The following CDC5L variants were observed in gnomAD, a reference collection of about 807,000 sequenced individuals.
CDC5L encodes the protein cell division cycle 5-like protein.
Under a neutral mutation model 104.1 loss-of-function variants are expected in CDC5L, and 18 were observed. That is an observed-to-expected ratio of 0.17 (90% CI 0.12 to 0.26). CDC5L has a LOEUF of 0.26. Ranked by LOEUF, CDC5L falls within the 10% of genes least tolerant of loss-of-function variation. CDC5L has a pLI of 1.00. For missense variants in CDC5L, 673 were observed against 956.9 expected, an observed-to-expected ratio of 0.70 and a Z score of 3.91; for synonymous variants, 331 against 322.7, an observed-to-expected ratio of 1.03 and a Z score of -0.28.
At chr6:44,388,674 T>TC (rs1491342225) in intron 1 of CDC5L, among the ~76,000 whole-genome samples, 2 of 145,704 alleles carry the variant, frequency 1.4e-5, no homozygotes, top group African/African-American at 5.3e-5. Context: ...TTTTATGGCT[T>TC]CTTTTTTTTT....
intron 12 of CDC5L, 31 bp from the exon 13 acceptor site, chr6:44,426,451 T>G (rs1792427837): frequency 9.2e-6 from 11 of 1,200,728 alleles, no homozygotes; most frequent in Non-Finnish European, 1.1e-5. Context: ...TAGTGATATG[T>G]TTGGTAATTG....
Position 44,404,733 on chromosome 6 carries a change from T to C in CDC5L, c.758+706T>C, listed in dbSNP as rs180762995. 3.7e-3 allele frequency among the ~76,000 whole-genome samples: 565 copies of C among 152,266 alleles called. 3 individuals carry two copies. Among genetic ancestry groups the C allele is most frequent in the African/African-American group, 0.012 (518 of 41,540 alleles). On this transcript the variant is annotated intron_variant, in intron 6 of 15. Transcript: ENST00000371477. ...TTTTTAAGACAAGGTCTCACTCTTA[T>C]CACCCAGGCTGGAGTGCAGTGGCAT...
chr6:44,430,446 A>G (rs1792627488), intron 14 of CDC5L, among the ~76,000 whole-genome samples: 1 of 148,376 alleles, frequency 6.7e-6, no homozygotes, highest in South Asian at 2.2e-4. Context: ...TTGAAAACAT[A>G]CTAGATGCAG....
chr6:44,391,692 C>T (rs189377764), intron 2 of CDC5L, among the ~76,000 whole-genome samples: 1 of 152,166 alleles, frequency 6.6e-6, no homozygotes, highest in East Asian at 1.9e-4. Context: ...TTCCTAGGCA[C>T]CTGGTTAGGG....
intron 2 of CDC5L, among the ~76,000 whole-genome samples, chr6:44,392,305 A>G (rs1041734367): frequency 6.6e-6 from 1 of 152,256 alleles, no homozygotes; most frequent in African/African-American, 2.4e-5. Flanking sequence ...ATGAGAAAAT[A>G]GTATGAAAAC....
chr6:44,414,153 C>G (rs1264050020), intron 8 of CDC5L, among the ~76,000 whole-genome samples: 1 of 151,952 alleles, frequency 6.6e-6, no homozygotes, highest in Non-Finnish European at 1.5e-5. Flanking sequence ...CATTATGGCT[C>G]ACTGCAGACT....
chr6:44,407,866 A>C (rs1377316660), intron 7 of CDC5L, among the ~76,000 whole-genome samples: 1 of 152,132 alleles, frequency 6.6e-6, no homozygotes, highest in Non-Finnish European at 1.5e-5. Flanking sequence ...ACACCTTAGG[A>C]TATTTATTTT....
intron 5 of CDC5L, among the ~76,000 whole-genome samples, chr6:44,400,134 C>T (rs746534783): frequency 6.6e-5 from 10 of 152,072 alleles, no homozygotes; most frequent in Non-Finnish European, 1.5e-4. Flanking sequence ...CCTTCCTTTA[C>T]TTCTTGGTTT....
intron 14 of CDC5L, among the ~76,000 whole-genome samples, chr6:44,439,277 T>A (rs1259517385): frequency 6.6e-6 from 1 of 152,210 alleles, no homozygotes; most frequent in Non-Finnish European, 1.5e-5. Context: ...TTGGGTTGCT[T>A]CTACTTTTAC....
rs564255557 is a variant in CDC5L, at chr6:44,405,139, T to C, written c.758+1112T>C. Among the ~76,000 whole-genome samples, 415 of 152,342 alleles carry C rather than the reference T, an allele frequency of 2.7e-3. 2 individuals carry two copies. Among genetic ancestry groups the C allele is most frequent in the African/African-American group, 9.0e-3 (376 of 41,572 alleles). The stretch of plus-strand genomic sequence containing the variant: ...TAGGGCATAGCAGATTTTCCCTATT[T>C]CTTGAGATTTTTAGTTTCTTTAAAT... On this transcript the variant is annotated intron_variant, in intron 6 of 15. Coordinates refer to ENST00000371477, the MANE Select transcript of CDC5L (RefSeq NM_001253.4).
At position 44,390,255 on chromosome 6, in the gene CDC5L, C is replaced by A; in HGVS notation, c.46-13C>A. 1.3e-6 allele frequency: 2 copies of A among 1,587,724 alleles called. No individual in the cohort carries two copies. The highest frequency in any genetic ancestry group is 1.7e-6 in the Non-Finnish European group (2 of 1,156,908). On this transcript the variant is annotated splice_polypyrimidine_tract_variant and intron_variant, in intron 1 of 15. Coordinates refer to ENST00000371477, the MANE Select transcript of CDC5L (RefSeq NM_001253.4). ...TTTTGTGACTGAATGTACTCTTTGG[C>A]AATTTTTTTTAGGATGAAATTCTGA...
intron 8 of CDC5L, among the ~76,000 whole-genome samples, chr6:44,412,622 A>C (rs1417373146): frequency 1.3e-5 from 2 of 151,364 alleles, no homozygotes; most frequent in African/African-American, 4.9e-5. Flanking sequence ...TAATTTTGGG[A>C]AAAAATTACA....
chr6:44,398,844 A>G (rs1433097015), intron 5 of CDC5L, among the ~76,000 whole-genome samples: 2 of 152,266 alleles, frequency 1.3e-5, no homozygotes, highest in African/African-American at 2.4e-5. Flanking sequence ...ATGTGTATAT[A>G]TGTACACTAA....
chr6:44,408,194 C>A (rs188317814), intron 7 of CDC5L, among the ~76,000 whole-genome samples: 1 of 151,732 alleles, frequency 6.6e-6, no homozygotes, highest in East Asian at 1.9e-4. Flanking sequence ...TGATATTAAT[C>A]ACACAGCTTC....
chr6:44,393,314 A>G, intron 3 of CDC5L, 132 bp from the exon 4 acceptor site: 1 of 702,402 alleles, frequency 1.4e-6, no homozygotes, highest in Non-Finnish European at 2.3e-6. Context: ...GTGATAGTAA[A>G]AAGGCTTTAT....
At chr6:44,403,606 GT>G (rs992897972) in intron 5 of CDC5L, among the ~76,000 whole-genome samples, 3 of 151,824 alleles carry the variant, frequency 2.0e-5, no homozygotes, top group Admixed American at 2.0e-4. Flanking sequence ...GTTCCTTTTG[GT>G]TTTTCTTTTT....
intron 13 of CDC5L, 44 bp from the exon 14 acceptor site, chr6:44,429,669 G>T (rs776065788): frequency 2.0e-6 from 3 of 1,534,496 alleles, no homozygotes; most frequent in Non-Finnish European, 2.7e-6. Flanking sequence ...GATATGGCAA[G>T]TGTTTGTAGT....
chr6:44,412,600 T>G (rs533687496), intron 8 of CDC5L, among the ~76,000 whole-genome samples: 1 of 71,326 alleles, frequency 1.4e-5, no homozygotes, highest in Non-Finnish European at 4.9e-5. Flanking sequence ...TTAAAAAAAA[T>G]AGTTTTTTTT....
intron 15 of CDC5L, 42 bp downstream of exon 15, chr6:44,445,909 A>G (rs1289271225): frequency 2.8e-6 from 4 of 1,453,430 alleles, no homozygotes; most frequent in African/African-American, 2.8e-5. Flanking sequence ...AGAGTGCTGC[A>G]AAGAATTATC....
Sources: gnomAD v4.1 joint callset for allele counts (sites outside exome capture counted in the v4.1 genomes callset) on GRCh38, gnomAD v4.1.1 for gene constraint, MANE v1.5 for transcripts, NCBI Gene and HGNC (gene_info 2026-07-23, HGNC 2026-07-21) for gene names.